STIM1: variants seen among roughly 807,000 people sequenced by gnomAD.
STIM1 encodes stromal interaction molecule 1.
Under a neutral mutation model 74.7 loss-of-function variants are expected in STIM1, and 25 were observed. That is an observed-to-expected ratio of 0.33 (90% confidence interval 0.24 to 0.47). The LOEUF (loss-of-function observed/expected upper bound fraction) is 0.47, where lower values mean the gene tolerates loss of function less well. STIM1 is among the 20% of genes least tolerant of loss of function. The pLI is 1.00. For missense variants in STIM1, 728 were observed against 920.8 expected (o/e 0.79, Z 2.71); for synonymous variants, 328 against 348.8 (o/e 0.94, Z 0.66).
At chr11:4,018,507 T>TA (rs574558403) in intron 2 of STIM1, among the ~76,000 whole-genome samples, 155 of 99,426 alleles carry the variant, frequency 1.6e-3, no homozygotes, top group African/African-American at 5.5e-3. Context: ...TAGCCAGGAG[T>TA]GGTGGTGCAT....
chr11:3,977,543 G>A (rs1208956119), intron 2 of STIM1, among the ~76,000 whole-genome samples: 2 of 152,186 alleles, frequency 1.3e-5, no homozygotes, highest in African/African-American at 4.8e-5. Flanking sequence ...AATAATAGTA[G>A]TAGGCTTTTC....
chr11:3,893,749 C>T (rs529826609), intron 1 of STIM1, among the ~76,000 whole-genome samples: 2 of 152,106 alleles, frequency 1.3e-5, no homozygotes, highest in Admixed American at 6.5e-5. Context: ...CTCTGCCTCC[C>T]GGGTTCAAGT....
chr11:4,082,150 C>T (rs2094468718), intron 7 of STIM1, 34 bp from the exon 8 acceptor site: 1 of 1,611,228 alleles, frequency 6.2e-7, no homozygotes, highest in Non-Finnish European at 8.5e-7. Context: ...GTCTTAGTAG[C>T]AGTAAATGAA....
rs576836458 is a variant in STIM1 at position 3,886,831 on chromosome 11, G to A, written c.139+30422G>A. Among the ~76,000 whole-genome samples, 6 of 151,604 alleles carry A rather than the reference G, an allele frequency of 4.0e-5. No homozygotes were observed. The East Asian group carries it at 1.2e-3, about 29-fold the overall frequency. On this transcript the variant is annotated intron_variant, in intron 1 of 12. Coordinates refer to ENST00000526596, the MANE Select transcript of STIM1 (RefSeq NM_001382567.1). ...ATCCTGGATAACATGGTGAAACCCC[G>A]TCTTTACTAAAATACAAAAAATTAG...
intron 2 of STIM1, among the ~76,000 whole-genome samples, chr11:3,992,387 C>T (rs2093625302): frequency 6.6e-6 from 1 of 151,798 alleles, no homozygotes; most frequent in Non-Finnish European, 1.5e-5. Flanking sequence ...GCACTTTAGC[C>T]TGGGTGACAG....
At chr11:3,883,608 C>T (rs866765999) in intron 1 of STIM1, among the ~76,000 whole-genome samples, 4 of 152,236 alleles carry the variant, frequency 2.6e-5, no homozygotes, top group African/African-American at 7.2e-5. Flanking sequence ...CTGCCTCAGC[C>T]TCCCAAAGTG....
chr11:3,961,299 T>C lies in STIM1; in HGVS notation c.140-6253T>C. 8.4e-6 allele frequency: 2 copies of C among 236,962 alleles called. 1 individual carries two copies. Among genetic ancestry groups the C allele is most frequent in the South Asian group, 1.3e-4 (2 of 15,026 alleles). The allele number at this position is 236,962 out of a possible 1,614,324, so 14.7% of individuals were successfully genotyped here. Reference sequence around the variant, plus strand: ...TGTACCTGGCCCTGCAGGCTGATTTTGACAGTGTTGCAGAAGATGTGAGGA... The same window carrying C: ...TGTACCTGGCCCTGCAGGCTGATTTCGACAGTGTTGCAGAAGATGTGAGGA... On this transcript the variant is annotated intron_variant, in intron 1 of 12. Coordinates refer to ENST00000526596, the MANE Select transcript of STIM1 (RefSeq NM_001382567.1).
At chr11:3,998,825 G>A (rs1258095828) in intron 2 of STIM1, among the ~76,000 whole-genome samples, 2 of 152,108 alleles carry the variant, frequency 1.3e-5, no homozygotes, top group Non-Finnish European at 1.5e-5. Context: ...GGAGCACCTT[G>A]TGCAAAATCT....
chr11:3,956,823 C>CAAAAAAAAAAAAAAAAAA (rs78285130), intron 1 of STIM1, among the ~76,000 whole-genome samples: 1 of 38,152 alleles, frequency 2.6e-5, no homozygotes. Flanking sequence ...ACCCTGTCTC[C>CAAAAAAAAAAAAAAAAAA]AAAAAAAAAA....
At chr11:3,978,262 C>T (rs1332728152) in intron 2 of STIM1, among the ~76,000 whole-genome samples, 1 of 151,512 alleles carries the variant, frequency 6.6e-6, no homozygotes, top group Non-Finnish European at 1.5e-5. Flanking sequence ...GATTCTCCTG[C>T]CTCAGCCTCC....
intron 1 of STIM1, among the ~76,000 whole-genome samples, chr11:3,895,666 CTTTCT>C (rs1334005604): frequency 0.03 from 1,243 of 41,632 alleles, 69 homozygotes; most frequent in Middle Eastern, 0.039. Context: ...TTCTTTCTTT[CTTTCT>C]TTCCTTCCTT....
chr11:3,971,301 G>A (rs2093391377), intron 2 of STIM1, among the ~76,000 whole-genome samples: 1 of 151,588 alleles, frequency 6.6e-6, no homozygotes, highest in African/African-American at 2.4e-5. Context: ...AGGCCGAGGC[G>A]GGTGGATCAC....
chr11:3,978,170 C>T (rs548527269), intron 2 of STIM1, among the ~76,000 whole-genome samples: 2 of 144,430 alleles, frequency 1.4e-5, no homozygotes, highest in Admixed American at 1.4e-4. Context: ...TTTTTTGAGA[C>T]GGAGTTTCGC....
chr11:3,958,047 A>G (rs894089040), intron 1 of STIM1, among the ~76,000 whole-genome samples: 1 of 151,920 alleles, frequency 6.6e-6, no homozygotes, highest in African/African-American at 2.4e-5. Context: ...TGTATTTTTA[A>G]TAGAGACAGG....
At chr11:3,876,387 T>G (rs1402107457) in intron 1 of STIM1, among the ~76,000 whole-genome samples, 1 of 152,082 alleles carries the variant, frequency 6.6e-6, no homozygotes, top group Non-Finnish European at 1.5e-5. Flanking sequence ...TCCTGTGAGT[T>G]GAGGGAAAGG....
chr11:3,866,154 G>T (rs951254310), intron 1 of STIM1, among the ~76,000 whole-genome samples: 6 of 152,256 alleles, frequency 3.9e-5, no homozygotes, highest in Non-Finnish European at 7.4e-5. Context: ...TTCTTGGCAA[G>T]CCAAGCATTT....
intron 1 of STIM1, among the ~76,000 whole-genome samples, chr11:3,871,062 G>A (rs1293650092): frequency 6.6e-6 from 1 of 151,584 alleles, no homozygotes; most frequent in African/African-American, 2.4e-5. Context: ...TAGTAGAGAC[G>A]GGGTTTCACC....
At chr11:3,951,410 C>A (rs2093146605) in intron 1 of STIM1, among the ~76,000 whole-genome samples, 1 of 152,144 alleles carries the variant, frequency 6.6e-6, no homozygotes, top group African/African-American at 2.4e-5. Flanking sequence ...TAATGAGAAG[C>A]TCTCTCTTAG....
chr11:3,880,979 G>A (rs2091476278), intron 1 of STIM1, among the ~76,000 whole-genome samples: 1 of 151,964 alleles, frequency 6.6e-6, no homozygotes, highest in Non-Finnish European at 1.5e-5. Context: ...AGGTTTGGAC[G>A]GCTGCAGGAT....
Sources: allele counts gnomAD v4.1 joint callset (sites outside exome capture counted in the v4.1 genomes callset), GRCh38; gene constraint gnomAD v4.1.1; transcripts MANE v1.5; gene names NCBI Gene and HGNC (gene_info 2026-07-23, HGNC 2026-07-21).